The following PCDHA1 variants were observed in gnomAD, a reference collection of about 807,000 sequenced individuals.
The protein encoded by PCDHA1 is protocadherin alpha-1.
In PCDHA1, 42 loss-of-function variants were observed where a neutral mutation model predicts 61.3. The observed-to-expected ratio is 0.69, with a 90% CI of 0.54 to 0.89. The LOEUF (loss-of-function observed/expected upper bound fraction) is 0.89. PCDHA1 is among the 40% of genes least tolerant of loss of function. The pLI, the probability that PCDHA1 is intolerant of heterozygous loss-of-function variation, is 0.00. For missense variants in PCDHA1, 1,256 were observed against 1,235.3 expected, an observed-to-expected ratio of 1.02 and a Z score of -0.25; for synonymous variants, 610 against 553.8, an observed-to-expected ratio of 1.10 and a Z score of -1.43.
At chr5:140,925,349 A>G (rs4912732) in intron 1 of PCDHA1, among the ~76,000 whole-genome samples, 5,885 of 152,152 alleles carry the variant, frequency 0.039, 171 homozygotes, top group Non-Finnish European at 0.058. Flanking sequence ...TTGAGTGAGG[A>G]ATTTAGTGCT....
intron 1 of PCDHA1, among the ~76,000 whole-genome samples, chr5:140,910,576 C>T (rs1305355365): frequency 6.6e-6 from 1 of 152,174 alleles, no homozygotes; most frequent in African/African-American, 2.4e-5. Context: ...TTTTCTGGAT[C>T]CTCCCAGCTG....
chr5:140,851,802 T>G (rs1303108162), intron 1 of PCDHA1: 1 of 945,220 alleles, frequency 1.1e-6, no homozygotes, highest in Admixed American at 6.3e-5. Flanking sequence ...GTTCTGTCAG[T>G]AATCCATAAG....
In PCDHA1 at chr5:140,823,771, G is replaced by C. The variant is rs2150128985; in HGVS notation, c.2394+35087G>C. The C allele has an allele frequency of 4.5e-5, 73 of 1,613,760 alleles. No homozygotes were observed. The highest frequency in any genetic ancestry group is 6.7e-5 in the African/African-American group (5 of 74,940). On this transcript the variant is annotated intron_variant, in intron 1 of 3. Coordinates refer to ENST00000504120, the MANE Select transcript of PCDHA1 (RefSeq NM_018900.4). ...GCTGACAGCCACAGCCACAGTGCTG[G>C]TGTCGCTGGTGGAAAGTGGCCAGGC... is the stretch of plus-strand genomic sequence containing the variant.
At chr5:140,803,450 G>A (rs781829474) in intron 1 of PCDHA1, 5 of 1,613,852 alleles carry the variant, frequency 3.1e-6, no homozygotes, top group Non-Finnish European at 4.2e-6. Context: ...GGTCATACTC[G>A]CAGCAGAGGC....
At position 140,987,235 on chromosome 5, in the gene PCDHA1, T is replaced by G. The variant is rs189203030; in HGVS notation, c.2542+4672T>G. Among the ~76,000 whole-genome samples, 565 of 151,370 alleles carry G rather than the reference T, an allele frequency of 3.7e-3. 4 individuals are homozygous for G. The highest frequency in any genetic ancestry group is 0.013 in the African/African-American group (539 of 41,236). On this transcript the variant is annotated intron_variant, in intron 3 of 3. Transcript: ENST00000504120. Reference sequence around the variant, plus strand: ...TCTCAAAAAAAAAAAAAATAATAAATAAAGAAAGAAAGACATTCTCAGGAA... The same window carrying G: ...TCTCAAAAAAAAAAAAAATAATAAAGAAAGAAAGAAAGACATTCTCAGGAA...
rs782718242 is a variant in PCDHA1 at position 140,788,601 on chromosome 5, G to A, written c.2311G>A (p.Ala771Thr). ...SEGPPKTDLMAFSPGLSPSLN... is the reference protein window; with the variant it reads ...SEGPPKTDLMTFSPGLSPSLN... ...GGGCCCACCCAAGACCGACCTCATG[G>A]CCTTCAGCCCAGGCCTATCTCCAAG... Residue 771 changes from alanine to threonine, a missense_variant, in exon 1 of 4, where the codon GCC becomes ACC. Physicochemically the swap from Ala to Thr is moderately conservative, Grantham distance 58. Transcript: ENST00000504120. The A allele has an allele frequency of 5.0e-6, 8 of 1,614,156 alleles. No individual in the cohort carries two copies. The East Asian group carries it at 1.6e-4, about 31-fold the overall frequency.
At chr5:140,964,721 C>T (rs2095851062) in intron 1 of PCDHA1, among the ~76,000 whole-genome samples, 1 of 151,598 alleles carries the variant, frequency 6.6e-6, no homozygotes, top group East Asian at 1.9e-4. Flanking sequence ...CAAATTACCA[C>T]AGCAAACTGA....
At chr5:140,893,612 T>C (rs1455928353) in intron 1 of PCDHA1, among the ~76,000 whole-genome samples, 1 of 152,240 alleles carries the variant, frequency 6.6e-6, no homozygotes, top group Non-Finnish European at 1.5e-5. Flanking sequence ...CCTTCATTTC[T>C]GAAGTATAGC....
At chr5:140,938,937 C>T (rs1302555937) in intron 1 of PCDHA1, among the ~76,000 whole-genome samples, 4 of 152,070 alleles carry the variant, frequency 2.6e-5, no homozygotes, top group African/African-American at 9.7e-5. Context: ...TTTAACTTTC[C>T]ATTCTTATAA....
chr5:140,835,906 T>G (rs2150248059), intron 1 of PCDHA1: 2 of 1,612,190 alleles, frequency 1.2e-6, no homozygotes, highest in Admixed American at 1.7e-5. Flanking sequence ...TCGAGCTACG[T>G]GTCAGTGCAC....
At position 140,808,912 on chromosome 5, in the gene PCDHA1, C is replaced by T. The variant is rs538609667; in HGVS notation, c.2394+20228C>T. The T allele has an allele frequency of 9.9e-6, 16 of 1,613,494 alleles. No homozygotes were observed. The South Asian group carries it at 1.1e-4, about 11-fold the overall frequency. On this transcript the variant is annotated intron_variant, in intron 1 of 3. Coordinates refer to ENST00000504120, the MANE Select transcript of PCDHA1 (RefSeq NM_018900.4). ...CGCCTCGGGCGGGTGGCACTGGTGGCGCAGTGAGCGAGCTGGTGCCATGGT... is the reference window on the plus strand; with the variant it reads ...CGCCTCGGGCGGGTGGCACTGGTGGTGCAGTGAGCGAGCTGGTGCCATGGT...
At chr5:141,001,509 G>A (rs1025738776) in intron 3 of PCDHA1, among the ~76,000 whole-genome samples, 3 of 152,212 alleles carry the variant, frequency 2.0e-5, no homozygotes, top group Non-Finnish European at 4.4e-5. Context: ...GGTGGGCTTA[G>A]CTTTCTCCCT....
intron 1 of PCDHA1, chr5:140,797,008 G>A: frequency 6.2e-7 from 1 of 1,613,712 alleles, no homozygotes; most frequent in Non-Finnish European, 8.5e-7. Flanking sequence ...CTCGTCGCGG[G>A]CGTGGGTGGG....
chr5:140,829,622 C>T, intron 1 of PCDHA1: 1 of 1,612,190 alleles, frequency 6.2e-7, no homozygotes, highest in Admixed American at 1.7e-5. Context: ...CATTTCGGTG[C>T]ACGCGGAGAG....
In PCDHA1 at chr5:140,787,397, C is replaced by A. The variant is rs782233244; in HGVS notation, c.1107C>A (p.Ile369=). Residue 369 remains isoleucine, a synonymous_variant, in exon 1 of 4, where the codon ATC becomes ATA. Transcript: ENST00000504120. ...AGGACGCTCCACTCAGCACCGTCAT[C>A]GCCCTCATCACCGTGTCTGACCGTG... The part of the protein sequence containing the change: ...IREDAPLSTV[I]ALITVSDRDS... 3.7e-6 allele frequency: 6 copies of A among 1,614,250 alleles called. No individual in the cohort carries two copies. The highest frequency in any genetic ancestry group is 4.2e-6 in the Non-Finnish European group (5 of 1,180,040).
chr5:140,787,648 C>T lies in PCDHA1; in HGVS notation c.1358C>T (p.Pro453Leu). The T allele has an allele frequency of 2.5e-6, 4 of 1,614,062 alleles. No individual in the cohort carries two copies. Among genetic ancestry groups the T allele is most frequent in the Non-Finnish European group, 3.4e-6 (4 of 1,179,970 alleles). ...VEVADVNDNA[P>L]AFAQPEYTVF... ...GTGGCCGACGTGAATGACAACGCGC[C>T]TGCGTTCGCGCAGCCCGAGTACACA... The change falls in exon 1 of 4, where the codon CCT becomes CTT. Residue 453 changes from proline (P) to leucine (L), a missense_variant. By Grantham distance (98) the Pro-to-Leu change is moderately conservative. Coordinates refer to ENST00000504120, the MANE Select transcript of PCDHA1 (RefSeq NM_018900.4).
At chr5:140,870,439 G>A (rs374343977) in intron 1 of PCDHA1, 5 of 1,614,126 alleles carry the variant, frequency 3.1e-6, no homozygotes, top group African/African-American at 2.7e-5. Flanking sequence ...GGAGGTGGCC[G>A]ACGTGAACGA....
chr5:140,802,773 G>T, intron 1 of PCDHA1: 3 of 1,613,086 alleles, frequency 1.9e-6, no homozygotes, highest in Non-Finnish European at 1.7e-6. Flanking sequence ...GCTGGACCAC[G>T]AGGAGCTAGA....
At chr5:140,883,758 G>C (rs781858673) in intron 1 of PCDHA1, 4 of 1,612,920 alleles carry the variant, frequency 2.5e-6, no homozygotes, top group Non-Finnish European at 3.4e-6. Context: ...CTGGTGGAGC[G>C]GCGGGTGGGC....
Sources: allele counts gnomAD v4.1 joint callset (sites outside exome capture counted in the v4.1 genomes callset), GRCh38; gene constraint gnomAD v4.1.1; transcripts MANE v1.5; gene names NCBI Gene and HGNC (gene_info 2026-07-23, HGNC 2026-07-21).